C11orf65: variants seen among roughly 807,000 people sequenced by gnomAD.
The protein encoded by C11orf65 is chromosome 11 open reading frame 65.
C11orf65 carries 38 observed loss-of-function variants against 35.3 expected under a neutral mutation model. The ratio of observed to expected loss-of-function variants is 1.08; its 90% CI spans 0.83 to 1.41. The LOEUF is 1.41. Among genes scored for constraint, C11orf65 ranks in the 40% most tolerant of loss-of-function variants. C11orf65 has a pLI of 0.00. For missense variants in C11orf65, 370 were observed against 367.1 expected (o/e 1.01, Z -0.06); for synonymous variants, 105 against 114.4 (o/e 0.92, Z 0.53).
At chr11:108,438,745 C>T (rs1056905802) in intron 2 of C11orf65, among the ~76,000 whole-genome samples, 15 of 151,934 alleles carry the variant, frequency 9.9e-5, no homozygotes, top group African/African-American at 1.9e-4. Flanking sequence ...GTGGCTCACG[C>T]TTGTAATCCT....
chr11:108,334,926 A>G (rs1167884270), intron 3 of C11orf65: 9 of 1,580,730 alleles, frequency 5.7e-6, no homozygotes, highest in Admixed American at 1.7e-5. Context: ...AAGTGCAAAT[A>G]GTGTATCTGA....
chr11:108,426,623 T>A (rs918856752), intron 3 of C11orf65, among the ~76,000 whole-genome samples: 3 of 152,112 alleles, frequency 2.0e-5, no homozygotes, highest in African/African-American at 7.2e-5. Context: ...ACCATTGACT[T>A]TCCTCATAGA....
At chr11:108,352,481 GA>G (rs765935525) in intron 2 of C11orf65, among the ~76,000 whole-genome samples, 2 of 152,158 alleles carry the variant, frequency 1.3e-5, no homozygotes, top group Non-Finnish European at 2.9e-5. Context: ...AACAGAGGAA[GA>G]AAATTAAGAG....
chr11:108,416,950 T>C (rs1350765494), intron 3 of C11orf65, among the ~76,000 whole-genome samples: 3 of 152,154 alleles, frequency 2.0e-5, no homozygotes, highest in Non-Finnish European at 2.9e-5. Flanking sequence ...AAGTGCATTG[T>C]CTGGGAGAAG....
At chr11:108,434,469 C>T (rs2093035626) in intron 2 of C11orf65, among the ~76,000 whole-genome samples, 1 of 151,120 alleles carries the variant, frequency 6.6e-6, no homozygotes, top group Non-Finnish European at 1.5e-5. Context: ...GGTGCCACTG[C>T]ACTCCAGCCT....
At chr11:108,443,512 G>C (rs113624966) in intron 2 of C11orf65, among the ~76,000 whole-genome samples, 1,542 of 152,162 alleles carry the variant, frequency 0.01, 24 homozygotes, top group African/African-American at 0.035. Flanking sequence ...CCCAAATCAA[G>C]AGAATATACA....
At chr11:108,435,077 C>T (rs1263961171) in intron 2 of C11orf65, among the ~76,000 whole-genome samples, 1 of 152,210 alleles carries the variant, frequency 6.6e-6, no homozygotes, top group Non-Finnish European at 1.5e-5. Context: ...CTATTTCTCA[C>T]ACAGCCAGCA....
At chr11:108,357,605 G>C (rs1054447960) in intron 2 of C11orf65, among the ~76,000 whole-genome samples, 1 of 152,298 alleles carries the variant, frequency 6.6e-6, no homozygotes, top group Non-Finnish European at 1.5e-5. Flanking sequence ...TCGGACAACA[G>C]GCAGACTGCC....
chr11:108,347,027 G>A (rs965071455), intron 2 of C11orf65, among the ~76,000 whole-genome samples: 2 of 152,122 alleles, frequency 1.3e-5, no homozygotes, highest in African/African-American at 4.8e-5. Flanking sequence ...ATTTTAAAAT[G>A]TGTGCCTATT....
At chr11:108,347,133 C>A in intron 2 of C11orf65, 1 of 692,394 alleles carries the variant, frequency 1.4e-6, no homozygotes, top group South Asian at 1.6e-5. Context: ...CTCAACATGG[C>A]CGGTTATGCA....
At chr11:108,412,641 C>A (rs564326672) in intron 3 of C11orf65, among the ~76,000 whole-genome samples, 1 of 151,968 alleles carries the variant, frequency 6.6e-6, no homozygotes, top group African/African-American at 2.4e-5. Flanking sequence ...GAGGCTGGGG[C>A]GGGAGGATCA....
chr11:108,312,858 A>G (rs573756574), intron 6 of C11orf65, among the ~76,000 whole-genome samples: 1 of 152,334 alleles, frequency 6.6e-6, no homozygotes, highest in East Asian at 1.9e-4. Context: ...CAGAAGAAGC[A>G]GATTGCCTCT....
At chr11:108,343,495 T>A in intron 2 of C11orf65, 2 of 1,175,642 alleles carry the variant, frequency 1.7e-6, no homozygotes, top group Non-Finnish European at 2.4e-6. Flanking sequence ...TCAAAGATAC[T>A]AAGTAAAAGA....
chr11:108,365,717 A>T, intron 2 of C11orf65: 1 of 677,916 alleles, frequency 1.5e-6, no homozygotes. Context: ...ACTCTTTAGA[A>T]ATAATGGTCA....
At chr11:108,326,463 T>G (rs528091587), downstream of C11orf65, among the ~76,000 whole-genome samples, 5 of 152,108 alleles carry the variant, frequency 3.3e-5, 1 homozygote, top group South Asian at 1.0e-3. Flanking sequence ...ATCCCAGTAT[T>G]AAGCCTTTAA....
chr11:108,365,324 G>A lies in C11orf65; in HGVS notation c.226+27884C>T, dbSNP rs730881386. The stretch of plus-strand genomic sequence containing the variant: ...TGAAACCTTTGTGTTTTTGTCCTTA[G>A]TGATATTGACCAGAGTTTCAACAAA... On this transcript the variant is annotated intron_variant, in intron 2 of 3. Coordinates refer to the C11orf65 transcript ENST00000524755. 2 of 1,614,166 alleles carry A rather than the reference G, an allele frequency of 1.2e-6. No homozygotes were observed. Among genetic ancestry groups the A allele is most frequent in the Non-Finnish European group, 1.7e-6 (2 of 1,180,014 alleles).
intron 2 of C11orf65, among the ~76,000 whole-genome samples, chr11:108,443,545 C>T (rs527491726): frequency 2.0e-5 from 3 of 152,168 alleles, no homozygotes; most frequent in African/African-American, 7.2e-5. Flanking sequence ...CACACGACAC[C>T]TATCCCAAAA....
intron 6 of C11orf65, among the ~76,000 whole-genome samples, chr11:108,404,883 GA>G (rs2092510813): frequency 6.6e-6 from 1 of 152,280 alleles, no homozygotes; most frequent in East Asian, 1.9e-4. Flanking sequence ...AGGCTGCTGG[GA>G]AAAATATTAG....
intron 3 of C11orf65, among the ~76,000 whole-genome samples, chr11:108,428,781 T>C (rs1343707309): frequency 6.6e-6 from 1 of 152,272 alleles, no homozygotes; most frequent in East Asian, 1.9e-4. Flanking sequence ...CTGCATGTTC[T>C]GCACATGTAT....
Sources: allele counts gnomAD v4.1 joint callset (sites outside exome capture counted in the v4.1 genomes callset), GRCh38; gene constraint gnomAD v4.1.1; transcripts MANE v1.5; gene names NCBI Gene and HGNC (gene_info 2026-07-23, HGNC 2026-07-21).